The following SPATA6 variants were observed in gnomAD, a reference collection of about 807,000 sequenced individuals.
The protein encoded by SPATA6 is spermatogenesis-associated protein 6.
In SPATA6, 56 loss-of-function variants were observed where a neutral mutation model predicts 65.3. That is an observed-to-expected ratio of 0.86 (90% CI 0.69 to 1.07). The LOEUF is 1.07. SPATA6 is among the 50% of genes least tolerant of loss of function. The probability of loss-of-function intolerance (pLI) is 0.00; values close to 1 mark genes in which losing one functional copy is unlikely to be tolerated. For synonymous variants in SPATA6, 199 were observed against 213.2 expected, an observed-to-expected ratio of 0.93 and a Z score of 0.58; for missense variants, 590 against 594.8, an observed-to-expected ratio of 0.99 and a Z score of 0.08.
In SPATA6 at chr1:48,325,208, G is replaced by T. The variant is rs889566493; in HGVS notation, c.1195-19330C>A. 36 of 708,470 alleles carry T rather than the reference G, an allele frequency of 5.1e-5. No individual in the cohort carries two copies. In the African/African-American group the frequency reaches 6.2e-4, roughly 12 times the overall value. 43.9% of individuals were successfully genotyped at this position (708,470 alleles called of 1,614,324 possible). On this transcript the variant is annotated intron_variant, in intron 11 of 12. Transcript: ENST00000371847. ...TGGTGCAGGGTTCGTGTTCACTGCT[G>T]CTGGCACAATGGGAGTCAAGTCCAC... is the stretch of plus-strand genomic sequence containing the variant.
At chr1:48,418,315 A>G (rs1428065422) in intron 3 of SPATA6, among the ~76,000 whole-genome samples, 1 of 152,096 alleles carries the variant, frequency 6.6e-6, no homozygotes, top group Non-Finnish European at 1.5e-5. Flanking sequence ...TTTGGCTTCT[A>G]TGAAACTTGA....
At chr1:48,273,438 A>G in the SPATA6 span, among the ~76,000 whole-genome samples, 1 of 152,082 alleles carries the variant, frequency 6.6e-6, no homozygotes, top group Non-Finnish European at 1.5e-5. Flanking sequence ...GGTTTACTGG[A>G]CCCATCAACC....
chr1:48,314,461 A>C (rs951835072), intron 11 of SPATA6, among the ~76,000 whole-genome samples: 18 of 152,228 alleles, frequency 1.2e-4, no homozygotes, highest in African/African-American at 4.3e-4. Context: ...TAATGAAATG[A>C]AGGCAGAAAT....
intron 1 of SPATA6, among the ~76,000 whole-genome samples, chr1:48,466,809 G>GT (rs1303774220): frequency 6.6e-6 from 1 of 151,990 alleles, no homozygotes; most frequent in African/African-American, 2.4e-5. Context: ...ATTCAGATGA[G>GT]TAGTGACTGA....
chr1:48,413,749 A>C (rs868154587), intron 3 of SPATA6, among the ~76,000 whole-genome samples: 1 of 152,310 alleles, frequency 6.6e-6, no homozygotes, highest in Middle Eastern at 3.4e-3. Context: ...TTGACTTCCC[A>C]GAATCTTAAC....
At chr1:48,406,349 T>A (rs1651703238) in intron 5 of SPATA6, among the ~76,000 whole-genome samples, 1 of 152,078 alleles carries the variant, frequency 6.6e-6, no homozygotes. Context: ...AGTTATCTCC[T>A]TTATTTAAAG....
the SPATA6 span, among the ~76,000 whole-genome samples, chr1:48,281,341 A>C: frequency 6.6e-6 from 1 of 151,600 alleles, no homozygotes; most frequent in Non-Finnish European, 1.5e-5. Context: ...CAGGGCAATT[A>C]GGCAGGAGAA....
At chr1:48,434,048 C>A (rs967961520) in intron 3 of SPATA6, among the ~76,000 whole-genome samples, 1 of 151,978 alleles carries the variant, frequency 6.6e-6, no homozygotes, top group Admixed American at 6.6e-5. Flanking sequence ...AACAGCTATT[C>A]TATTATAAAT....
At chr1:48,363,032 A>G (rs1028880713) in intron 9 of SPATA6, among the ~76,000 whole-genome samples, 2 of 152,166 alleles carry the variant, frequency 1.3e-5, no homozygotes, top group Non-Finnish European at 2.9e-5. Context: ...ACAGAATATA[A>G]GACGTCAAAT....
chr1:48,273,094 A>C, the SPATA6 span, among the ~76,000 whole-genome samples: 1 of 152,122 alleles, frequency 6.6e-6, no homozygotes, highest in Non-Finnish European at 1.5e-5. Flanking sequence ...ATTGTTTGCT[A>C]TACAGAAGCT....
chr1:48,428,187 G>C (rs540347872), intron 3 of SPATA6, among the ~76,000 whole-genome samples: 1 of 152,282 alleles, frequency 6.6e-6, no homozygotes, highest in South Asian at 2.1e-4. Context: ...GGGCACAGTG[G>C]CTTATGCCTG....
chr1:48,457,043 C>T (rs1458385064), intron 1 of SPATA6, among the ~76,000 whole-genome samples: 1 of 151,876 alleles, frequency 6.6e-6, no homozygotes, highest in Admixed American at 6.6e-5. Context: ...CCAGCCTGGG[C>T]AACATAGTGA....
At chr1:48,397,711 G>A (rs1650741277) in intron 7 of SPATA6, among the ~76,000 whole-genome samples, 3 of 151,582 alleles carry the variant, frequency 2.0e-5, no homozygotes, top group Admixed American at 6.6e-5. Flanking sequence ...AAATCTCTAT[G>A]TTTACAAACA....
intron 3 of SPATA6, among the ~76,000 whole-genome samples, chr1:48,433,416 G>A (rs1189376860): frequency 6.6e-6 from 1 of 152,072 alleles, no homozygotes; most frequent in Admixed American, 6.6e-5. Flanking sequence ...ACATCTACTG[G>A]AACATACAAT....
At chr1:48,431,391 C>G (rs1176949729) in intron 3 of SPATA6, among the ~76,000 whole-genome samples, 1 of 151,826 alleles carries the variant, frequency 6.6e-6, no homozygotes, top group Non-Finnish European at 1.5e-5. Context: ...AACAGAGAAC[C>G]TAAAAAAACA....
rs183274763 is a variant in SPATA6 at position 48,305,918 on chromosome 1, T to C, written c.1195-40A>G. 7.5e-4 allele frequency: 1,125 copies of C among 1,495,314 alleles called. 2 individuals are homozygous for C. Among genetic ancestry groups the C allele is most frequent in the Non-Finnish European group, 9.8e-4 (1,052 of 1,078,416 alleles). 92.6% of individuals were successfully genotyped at this position (1,495,314 alleles called of 1,614,324 possible). A position where few individuals can be genotyped will look rare whatever the true frequency, so the allele number is the denominator to read the frequency against. ...AGATTTCCATTAACTCACTGTCTCATTGTCCCCAAAATGATGCATATGTTT... is the reference window on the plus strand; with the variant it reads ...AGATTTCCATTAACTCACTGTCTCACTGTCCCCAAAATGATGCATATGTTT... On this transcript the variant is annotated intron_variant, in intron 11 of 12. Transcript: ENST00000371847.
chr1:48,361,255 T>C (rs943651642), intron 9 of SPATA6, among the ~76,000 whole-genome samples: 1 of 152,152 alleles, frequency 6.6e-6, no homozygotes, highest in East Asian at 1.9e-4. Context: ...AAAACATTAC[T>C]GAAGAGTAGC....
the SPATA6 span, among the ~76,000 whole-genome samples, chr1:48,282,775 C>T: frequency 3.3e-5 from 5 of 152,088 alleles, no homozygotes; most frequent in East Asian, 1.9e-4. Context: ...GTCAGTGTGG[C>T]GATTCCTCAA....
intron 11 of SPATA6, among the ~76,000 whole-genome samples, chr1:48,310,618 C>T (rs577345030): frequency 6.6e-6 from 1 of 152,108 alleles, no homozygotes; most frequent in Non-Finnish European, 1.5e-5. Flanking sequence ...ACAGAACCAA[C>T]AGGATGTGTG....
Sources: allele counts gnomAD v4.1 joint callset (sites outside exome capture counted in the v4.1 genomes callset), GRCh38; gene constraint gnomAD v4.1.1; transcripts MANE v1.5; gene names NCBI Gene and HGNC (gene_info 2026-07-23, HGNC 2026-07-21).